The following KCNH5 variants were observed in gnomAD, a reference collection of about 807,000 sequenced individuals.
KCNH5 encodes the protein potassium voltage-gated channel subfamily H member 5.
A neutral mutation model predicts 96.1 loss-of-function variants in KCNH5; 46 were observed. That is an observed-to-expected ratio of 0.48 (90% confidence interval 0.38 to 0.61). The LOEUF (loss-of-function observed/expected upper bound fraction) is 0.61. KCNH5 is among the 20% of genes least tolerant of loss of function. The pLI is 0.00. For synonymous variants in KCNH5, 439 were observed against 449.8 expected (o/e 0.98, Z 0.30); for missense variants, 907 against 1,225.8 (o/e 0.74, Z 3.88).
At chr14:62,815,012 C>T (rs986466898) in intron 8 of KCNH5, among the ~76,000 whole-genome samples, 1 of 151,950 alleles carries the variant, frequency 6.6e-6, no homozygotes, top group Admixed American at 6.6e-5. Flanking sequence ...TAGCTCCAAA[C>T]TGAAAATTAC....
rs536678352 is a variant in KCNH5, at chr14:63,000,570, T to A, written c.433+761A>T. Among the ~76,000 whole-genome samples the A allele has an allele frequency of 1.6e-4, 24 of 152,284 alleles. No individual in the cohort carries two copies. In the East Asian group the frequency reaches 2.1e-3, roughly 13 times the overall value. ...TTATTCTTTCCATAATCTAGCAACATCTACTCTAGGGACTACACAACAGAA... is the reference window on the plus strand; with the variant it reads ...TTATTCTTTCCATAATCTAGCAACAACTACTCTAGGGACTACACAACAGAA... On this transcript the variant is annotated intron_variant, in intron 4 of 10. Transcript: ENST00000322893.
intron 10 of KCNH5, among the ~76,000 whole-genome samples, chr14:62,764,581 A>G (rs1049808444): frequency 6.6e-6 from 1 of 152,130 alleles, no homozygotes; most frequent in East Asian, 1.9e-4. Flanking sequence ...AAGTCAAACT[A>G]TCTCTTCCTA....
intron 8 of KCNH5, among the ~76,000 whole-genome samples, chr14:62,818,106 G>GGGT (rs1887032203): frequency 8.0e-6 from 1 of 125,294 alleles, no homozygotes; most frequent in African/African-American, 3.1e-5. Context: ...CAGGAGCTGG[G>GGGT]GGCGGGGGGG....
intron 7 of KCNH5, among the ~76,000 whole-genome samples, chr14:62,939,696 T>C (rs1332550827): frequency 6.6e-6 from 1 of 152,150 alleles, no homozygotes; most frequent in Non-Finnish European, 1.5e-5. Flanking sequence ...TCTCAGCACT[T>C]TGGGAGGCCA....
intron 10 of KCNH5, among the ~76,000 whole-genome samples, chr14:62,719,557 C>T (rs1009925718): frequency 1.3e-5 from 2 of 152,032 alleles, no homozygotes; most frequent in South Asian, 2.1e-4. Flanking sequence ...AGCCACACGG[C>T]GAAAGAAGAT....
rs111568044 is a variant in KCNH5 at position 63,005,303 on chromosome 14, A to G, written c.304+1063T>C. Among the ~76,000 whole-genome samples, 302 of 152,360 alleles carry G rather than the reference A, an allele frequency of 2.0e-3. 3 individuals are homozygous for G. The highest frequency in any genetic ancestry group is 7.1e-3 in the African/African-American group (296 of 41,586). On this transcript the variant is annotated intron_variant, in intron 3 of 10. Transcript: ENST00000322893. ...GTGCACTACTTTGAGGCAATGTCTC[A>G]CGCTGTTATTCCTTTGTTAGTCTAC... is the stretch of plus-strand genomic sequence containing the variant.
At chr14:62,973,763 A>G (rs938854010) in intron 6 of KCNH5, among the ~76,000 whole-genome samples, 1 of 152,232 alleles carries the variant, frequency 6.6e-6, no homozygotes. Flanking sequence ...TCCTAGTTAT[A>G]CCACTGAAGT....
chr14:62,861,025 A>T (rs753999228), intron 7 of KCNH5, among the ~76,000 whole-genome samples: 2 of 152,218 alleles, frequency 1.3e-5, no homozygotes, highest in African/African-American at 4.8e-5. Flanking sequence ...AAGGAAAATG[A>T]AGCCTTTTTT....
intron 8 of KCNH5, among the ~76,000 whole-genome samples, chr14:62,842,241 A>G (rs1887600384): frequency 6.6e-6 from 1 of 152,200 alleles, no homozygotes; most frequent in Non-Finnish European, 1.5e-5. Context: ...ACTATTATAA[A>G]AAGTATTGCT....
chr14:62,833,681 T>TA (rs1257952241), intron 8 of KCNH5, among the ~76,000 whole-genome samples: 28 of 152,174 alleles, frequency 1.8e-4, no homozygotes, highest in African/African-American at 6.7e-4. Flanking sequence ...AGTTAATTCT[T>TA]AAAGTTCAGA....
intron 7 of KCNH5, among the ~76,000 whole-genome samples, chr14:62,875,584 A>G (rs1888355313): frequency 6.6e-6 from 1 of 152,004 alleles, no homozygotes; most frequent in East Asian, 1.9e-4. Context: ...ATGCTTTTAC[A>G]CTCTTGGTGG....
chr14:62,752,348 T>G (rs1399565529), intron 10 of KCNH5, among the ~76,000 whole-genome samples: 1 of 151,918 alleles, frequency 6.6e-6, no homozygotes, highest in Non-Finnish European at 1.5e-5. Context: ...GAGACTTTAT[T>G]TTGCAGCTTA....
chr14:62,744,038 G>GT (rs1478879851), intron 10 of KCNH5, among the ~76,000 whole-genome samples: 1 of 152,166 alleles, frequency 6.6e-6, no homozygotes, highest in Non-Finnish European at 1.5e-5. Flanking sequence ...AAAGAGAAAA[G>GT]TAAGAGTATT....
intron 7 of KCNH5, among the ~76,000 whole-genome samples, chr14:62,897,340 G>C (rs1285453513): frequency 1.3e-5 from 2 of 152,100 alleles, no homozygotes; most frequent in Non-Finnish European, 2.9e-5. Context: ...TTATCTTAAG[G>C]GAAATTCAGG....
At chr14:62,912,264 T>A (rs1378780929) in intron 7 of KCNH5, among the ~76,000 whole-genome samples, 1 of 152,126 alleles carries the variant, frequency 6.6e-6, no homozygotes, top group African/African-American at 2.4e-5. Context: ...ATTTTTATTA[T>A]AATAAATAGA....
In KCNH5 at chr14:62,708,195, G is replaced by A. The variant is rs1196313969; in HGVS notation, c.2280C>T (p.Pro760=). ...TSVVTVSQIT[P]IQTSLAYVKT... is the part of the protein sequence containing the mutation. ...TCACATAGGCCAGAGACGTCTGAAT[G>A]GGAGTAATCTGTGACACAGTCACCA... Residue 760 remains proline (P), a synonymous_variant, in exon 11 of 11, where the codon CCC becomes CCT. Transcript: ENST00000322893. The A allele has an allele frequency of 1.7e-5, 28 of 1,614,246 alleles. No homozygotes were observed. The highest frequency in any genetic ancestry group is 2.3e-5 in the Non-Finnish European group (27 of 1,180,052).
At chr14:62,834,117 T>C (rs1339021127) in intron 8 of KCNH5, among the ~76,000 whole-genome samples, 1 of 152,014 alleles carries the variant, frequency 6.6e-6, no homozygotes, top group Non-Finnish European at 1.5e-5. Flanking sequence ...TTTTATAAAA[T>C]CAAACAATTC....
chr14:62,871,137 A>G (rs762203798), intron 7 of KCNH5, among the ~76,000 whole-genome samples: 8 of 152,198 alleles, frequency 5.3e-5, no homozygotes, highest in Non-Finnish European at 1.2e-4. Flanking sequence ...TGATTGGCTT[A>G]TTGGGTATTA....
chr14:63,010,668 T>G (rs189429419), intron 2 of KCNH5, among the ~76,000 whole-genome samples: 4 of 152,194 alleles, frequency 2.6e-5, no homozygotes, highest in Non-Finnish European at 5.9e-5. Context: ...CAGTTATCGT[T>G]CATGTGTGTC....
Sources: allele counts gnomAD v4.1 joint callset (sites outside exome capture counted in the v4.1 genomes callset), GRCh38; gene constraint gnomAD v4.1.1; transcripts MANE v1.5; gene names NCBI Gene and HGNC (gene_info 2026-07-23, HGNC 2026-07-21).